Variants in UBE2L3 observed in about 807,000 individuals in gnomAD.
The protein encoded by UBE2L3 is ubiquitin-conjugating enzyme E2 L3.
A neutral mutation model predicts 17.8 loss-of-function variants in UBE2L3; 1 was observed. The observed-to-expected ratio is 0.06, with a 90% CI of 0.02 to 0.27. The LOEUF is 0.27. Among genes scored for constraint, UBE2L3 ranks in the 10% least tolerant of loss-of-function variants. The pLI is 1.00. For missense variants in UBE2L3, 40 were observed against 192.6 expected (o/e 0.21, Z 4.69); for synonymous variants, 44 against 68.5 (o/e 0.64, Z 1.76).
At chr22:21,594,473 C>T (rs1928421452) in intron 2 of UBE2L3, among the ~76,000 whole-genome samples, 1 of 152,064 alleles carries the variant, frequency 6.6e-6, no homozygotes, top group Non-Finnish European at 1.5e-5. Flanking sequence ...ATGCTCCCTC[C>T]TGTAGATGCT....
intron 3 of UBE2L3, among the ~76,000 whole-genome samples, chr22:21,616,558 A>C (rs976919203): frequency 6.6e-6 from 1 of 151,794 alleles, no homozygotes; most frequent in Non-Finnish European, 1.5e-5. Flanking sequence ...AAGCTGAGGC[A>C]GGAGAATCAC....
chr22:21,562,184 C>T (rs1477102117), intron 1 of UBE2L3, among the ~76,000 whole-genome samples: 2 of 147,002 alleles, frequency 1.4e-5, no homozygotes, highest in East Asian at 2.0e-4. Flanking sequence ...TGCCTGTGTA[C>T]CTCTTTTTTT....
chr22:21,607,207 T>C (rs1929221745), intron 2 of UBE2L3, among the ~76,000 whole-genome samples: 1 of 151,974 alleles, frequency 6.6e-6, no homozygotes, highest in Non-Finnish European at 1.5e-5. Context: ...GGTGTAGGGC[T>C]GTCAAGATTG....
chr22:21,578,609 A>C (rs151300538), intron 1 of UBE2L3, among the ~76,000 whole-genome samples: 1 of 152,098 alleles, frequency 6.6e-6, no homozygotes, highest in East Asian at 1.9e-4. Flanking sequence ...ACACCCATGT[A>C]CAGATGGACA....
At chr22:21,601,967 C>CA (rs781689880) in intron 2 of UBE2L3, among the ~76,000 whole-genome samples, 1,756 of 104,406 alleles carry the variant, frequency 0.017, 23 homozygotes, top group African/African-American at 0.029. Flanking sequence ...GACTCCATCT[C>CA]AAAAAAAAAA....
upstream of UBE2L3, among the ~76,000 whole-genome samples, chr22:21,565,754 C>CAAAAAAAAAAA (rs131662): frequency 3.3e-5 from 1 of 30,284 alleles, no homozygotes; most frequent in Non-Finnish European, 5.9e-5. Flanking sequence ...AACTGTGTCT[C>CAAAAAAAAAAA]AAAAAAAAAA....
intron 1 of UBE2L3, among the ~76,000 whole-genome samples, chr22:21,580,519 G>A (rs1927563546): frequency 7.0e-6 from 1 of 143,736 alleles, no homozygotes; most frequent in Non-Finnish European, 1.5e-5. Context: ...GCGCGATCTC[G>A]GCTTACTGCA....
At chr22:21,575,672 TCACTCTGTCA>T (rs1927246756) in intron 1 of UBE2L3, among the ~76,000 whole-genome samples, 1 of 104,212 alleles carries the variant, frequency 9.6e-6, no homozygotes, top group Non-Finnish European at 1.8e-5. Flanking sequence ...AGACGGAGTC[TCACTCTGTCA>T]CCCAGGCTGG....
At chr22:21,611,629 A>C (rs748685250) in intron 3 of UBE2L3, among the ~76,000 whole-genome samples, 3 of 152,192 alleles carry the variant, frequency 2.0e-5, no homozygotes, top group African/African-American at 4.8e-5. Flanking sequence ...CGTGGTGCAC[A>C]TGTCTGTGTG....
chr22:21,582,343 G>GTT (rs965100126), intron 1 of UBE2L3, among the ~76,000 whole-genome samples: 16 of 147,900 alleles, frequency 1.1e-4, no homozygotes, highest in African/African-American at 4.0e-4. Context: ...AATGTGGTGG[G>GTT]TTTTTTTTTG....
At chr22:21,565,241 C>T (rs1053875840), upstream of UBE2L3, among the ~76,000 whole-genome samples, 3 of 151,878 alleles carry the variant, frequency 2.0e-5, no homozygotes, top group Non-Finnish European at 2.9e-5. Context: ...TACAGGCGCC[C>T]GCCACCACGC....
At chr22:21,607,718 C>T (rs73400448) in intron 2 of UBE2L3, among the ~76,000 whole-genome samples, 12,137 of 152,004 alleles carry the variant, frequency 0.08, 1,679 homozygotes, top group African/African-American at 0.28. Flanking sequence ...TCTCAGGCTC[C>T]TGGGGCCATC....
intron 1 of UBE2L3, among the ~76,000 whole-genome samples, chr22:21,575,277 A>AAAT (rs781743627): frequency 6.9e-6 from 1 of 144,968 alleles, no homozygotes; most frequent in Non-Finnish European, 1.5e-5. Context: ...AAAAAAAAAA[A>AAAT]GAAAAGGAAA....
chr22:21,578,694 A>G (rs889995500), intron 1 of UBE2L3, among the ~76,000 whole-genome samples: 5 of 152,240 alleles, frequency 3.3e-5, no homozygotes, highest in African/African-American at 9.6e-5. Flanking sequence ...AGCTTTGGCC[A>G]TGCTTCCCCC....
At chr22:21,619,489 C>T (rs1929947114) in intron 3 of UBE2L3, among the ~76,000 whole-genome samples, 1 of 152,210 alleles carries the variant, frequency 6.6e-6, no homozygotes, top group South Asian at 2.1e-4. Flanking sequence ...CCCTCCTCGC[C>T]TCTGCCCCAC....
In UBE2L3 at chr22:21,589,488, G is replaced by A. The variant is rs553011204; in HGVS notation, c.28-3373G>A. 5.9e-5 allele frequency among the ~76,000 whole-genome samples: 9 copies of A among 152,270 alleles called. No individual in the cohort carries two copies. The South Asian group carries it at 1.5e-3, about 25-fold the overall frequency. ...CTAAATAGTTTCTGTCCACAGGACCGTCTTGTGCAGTGCAGGTCTTTTAGC... is the reference window on the plus strand; with the variant it reads ...CTAAATAGTTTCTGTCCACAGGACCATCTTGTGCAGTGCAGGTCTTTTAGC... On this transcript the variant is annotated intron_variant, in intron 1 of 3. Coordinates refer to ENST00000342192, the MANE Select transcript of UBE2L3 (RefSeq NM_003347.4).
At chr22:21,569,299 G>A (rs1926827225) in intron 1 of UBE2L3, among the ~76,000 whole-genome samples, 2 of 151,538 alleles carry the variant, frequency 1.3e-5, no homozygotes, top group South Asian at 4.2e-4. Context: ...GGGAGGCTGA[G>A]GTGGAAGAGT....
chr22:21,564,105 G>A (rs1054260616), upstream of UBE2L3, among the ~76,000 whole-genome samples: 14 of 149,756 alleles, frequency 9.3e-5, no homozygotes, highest in African/African-American at 3.0e-4. Flanking sequence ...GCACGATCAC[G>A]GCTCACTGTA....
At chr22:21,572,167 A>G (rs140496) in intron 1 of UBE2L3, among the ~76,000 whole-genome samples, 81,960 of 151,670 alleles carry the variant, frequency 0.54, 22,714 homozygotes, top group African/African-American at 0.67. Flanking sequence ...AGGCGTGGTG[A>G]CTCACACCTG....
Sources: allele counts gnomAD v4.1 joint callset (sites outside exome capture counted in the v4.1 genomes callset), GRCh38; gene constraint gnomAD v4.1.1; transcripts MANE v1.5; gene names NCBI Gene and HGNC (gene_info 2026-07-23, HGNC 2026-07-21).